The following COL19A1 variants were observed in gnomAD, a reference collection of about 807,000 sequenced individuals.
COL19A1 encodes collagen type XIX alpha 1 chain.
COL19A1 carries 159 observed loss-of-function variants against 190.2 expected under a neutral mutation model. The ratio of observed to expected loss-of-function variants is 0.84; its 90% CI spans 0.73 to 0.95. The LOEUF (loss-of-function observed/expected upper bound fraction) is 0.95, where lower values mean the gene tolerates loss of function less well. Ranked by LOEUF, COL19A1 falls within the 40% of genes least tolerant of loss-of-function variation. COL19A1 has a pLI of 0.00. For synonymous variants in COL19A1, 509 were observed against 458.9 expected (o/e 1.11, Z -1.39); for missense variants, 1,418 against 1,431.9 (o/e 0.99, Z 0.16).
Position 70,168,049 on chromosome 6 carries a change from G to A in COL19A1, c.2470G>A (p.Gly824Ser), listed in dbSNP as rs756981908. The A allele has an allele frequency of 1.7e-5, 27 of 1,596,286 alleles. No homozygotes were observed. The highest frequency in any genetic ancestry group is 2.3e-4 in the Middle Eastern group (1 of 4,410). Reference sequence around the variant, plus strand: ...GGGTATTCCATTTAATGAACGAAACGGCATGAGCAGTTTATATAAAATTAA... The same window carrying A: ...GGGTATTCCATTTAATGAACGAAACAGCATGAGCAGTTTATATAAAATTAA... Reference protein sequence around the residue: ...PPGIPFNERNGMSSLYKIKGG... With the variant: ...PPGIPFNERNSMSSLYKIKGG... Residue 824 changes from glycine to serine, a missense_variant, in exon 38 of 51, where the codon GGC (glycine) becomes AGC (serine). Physicochemically the swap from Gly to Ser is moderately conservative, Grantham distance 56. Transcript: ENST00000620364.
At chr6:70,110,778 G>A (rs545904784) in intron 16 of COL19A1, among the ~76,000 whole-genome samples, 12 of 152,176 alleles carry the variant, frequency 7.9e-5, no homozygotes, top group African/African-American at 2.7e-4. Context: ...TTTACTAATA[G>A]TGGTAACATT....
intron 11 of COL19A1, among the ~76,000 whole-genome samples, chr6:70,023,255 T>A (rs893643879): frequency 6.6e-6 from 1 of 151,316 alleles, no homozygotes; most frequent in Admixed American, 6.6e-5. Context: ...TGCCTCAGCC[T>A]CCTGAGTAGC....
At chr6:70,163,763 C>A (rs1787967195) in intron 36 of COL19A1, among the ~76,000 whole-genome samples, 1 of 152,114 alleles carries the variant, frequency 6.6e-6, no homozygotes, top group Non-Finnish European at 1.5e-5. Context: ...TTTTCTATGA[C>A]AAAATACCAT....
chr6:70,145,546 G>A (rs944826668), intron 25 of COL19A1, among the ~76,000 whole-genome samples: 18 of 152,046 alleles, frequency 1.2e-4, no homozygotes, highest in Non-Finnish European at 1.3e-4. Flanking sequence ...GTTGAAGGGA[G>A]GCAAGGTTGA....
intron 47 of COL19A1, among the ~76,000 whole-genome samples, chr6:70,189,631 A>G (rs983685853): frequency 1.7e-4 from 26 of 152,254 alleles, no homozygotes; most frequent in Admixed American, 9.2e-4. Context: ...TTACTGTTAT[A>G]AATGTTAAAT....
chr6:70,134,342 G>A (rs141452698), intron 18 of COL19A1, among the ~76,000 whole-genome samples: 1 of 152,202 alleles, frequency 6.6e-6, no homozygotes, highest in African/African-American at 2.4e-5. Flanking sequence ...TAAGACTGAT[G>A]ATACACAGGA....
chr6:69,921,122 A>ATAGACAT (rs1561996830), intron 4 of COL19A1, among the ~76,000 whole-genome samples: 26 of 120,522 alleles, frequency 2.2e-4, no homozygotes, highest in African/African-American at 7.2e-4. Flanking sequence ...CATATATATC[A>ATAGACAT]CATATGTATC....
intron 1 of COL19A1, among the ~76,000 whole-genome samples, chr6:69,878,289 C>T (rs1319953948): frequency 2.6e-5 from 4 of 151,910 alleles, no homozygotes; most frequent in Non-Finnish European, 5.9e-5. Context: ...TCTCAGCTCA[C>T]TGCAACCTCC....
At chr6:69,939,914 A>G (rs1022235140) in intron 9 of COL19A1, among the ~76,000 whole-genome samples, 1 of 152,154 alleles carries the variant, frequency 6.6e-6, no homozygotes, top group African/African-American at 2.4e-5. Context: ...AAAAAAATGC[A>G]TGTGGCTTAA....
intron 25 of COL19A1, among the ~76,000 whole-genome samples, chr6:70,146,069 A>T (rs1326573403): frequency 6.6e-6 from 1 of 152,158 alleles, no homozygotes; most frequent in African/African-American, 2.4e-5. Context: ...CTTCTGAAGA[A>T]AATATACATG....
chr6:69,923,157 T>A (rs1387007566), intron 4 of COL19A1, among the ~76,000 whole-genome samples: 2 of 152,202 alleles, frequency 1.3e-5, no homozygotes, highest in Non-Finnish European at 2.9e-5. Flanking sequence ...CAGGCAAAAT[T>A]TGTCAAAATC....
At chr6:69,956,938 G>GA (rs1318185383) in intron 9 of COL19A1, among the ~76,000 whole-genome samples, 1 of 151,926 alleles carries the variant, frequency 6.6e-6, no homozygotes, top group Non-Finnish European at 1.5e-5. Flanking sequence ...ATCAAAGGCT[G>GA]AATGTCTAAC....
intron 12 of COL19A1, 115 bp downstream of exon 12, chr6:70,023,795 A>G: frequency 1.2e-6 from 1 of 849,130 alleles, no homozygotes; most frequent in Middle Eastern, 3.4e-4. Context: ...TGATCCAACA[A>G]AATTAAGAAT....
intron 18 of COL19A1, among the ~76,000 whole-genome samples, chr6:70,131,649 C>A (rs563677006): frequency 6.6e-6 from 1 of 152,048 alleles, no homozygotes; most frequent in African/African-American, 2.4e-5. Context: ...GCAATGACTT[C>A]TGGACATATG....
chr6:70,144,267 T>G lies in COL19A1; in HGVS notation c.1680+4T>G. ...ACAAGGCATTAAAGGAGAAAAGGTATAGTTTACATTTTCCTCATTTTATAT... is the reference window on the plus strand; with the variant it reads ...ACAAGGCATTAAAGGAGAAAAGGTAGAGTTTACATTTTCCTCATTTTATAT... On this transcript the variant is annotated splice_donor_region_variant and intron_variant, in intron 24 of 50. Coordinates refer to ENST00000620364, the MANE Select transcript of COL19A1 (RefSeq NM_001858.6). 6.2e-7 allele frequency: 1 copy of G among 1,610,228 alleles called. No homozygotes were observed.
intron 15 of COL19A1, among the ~76,000 whole-genome samples, chr6:70,074,689 G>A (rs1044768745): frequency 7.2e-5 from 11 of 151,890 alleles, no homozygotes; most frequent in Admixed American, 5.2e-4. Flanking sequence ...TTAGAGAGGA[G>A]TCTTATAGAG....
At chr6:69,985,190 A>G (rs1277741320) in intron 11 of COL19A1, among the ~76,000 whole-genome samples, 4 of 152,338 alleles carry the variant, frequency 2.6e-5, no homozygotes, top group South Asian at 2.1e-4. Context: ...ATGGCATTCA[A>G]TATGAGTTTT....
At position 70,206,724 on chromosome 6, in the gene COL19A1, A is replaced by C. The variant is rs546657123; in HGVS notation, c.3224-177A>C. On this transcript the variant is annotated intron_variant, in intron 49 of 50. Coordinates refer to ENST00000620364, the MANE Select transcript of COL19A1 (RefSeq NM_001858.6). ...AGATCCTCATTGCCCTATTATACCCAATCTGTTTGATATGTAAGTTTAATA... is the reference window on the plus strand; with the variant it reads ...AGATCCTCATTGCCCTATTATACCCCATCTGTTTGATATGTAAGTTTAATA... Among the ~76,000 whole-genome samples the C allele has an allele frequency of 2.0e-5, 3 of 152,000 alleles. No homozygotes were observed. In the South Asian group the frequency reaches 6.2e-4, roughly 32 times the overall value.
intron 14 of COL19A1, among the ~76,000 whole-genome samples, chr6:70,063,109 T>C (rs1050011941): frequency 9.2e-5 from 14 of 151,928 alleles, no homozygotes; most frequent in Admixed American, 2.0e-4. Flanking sequence ...AGAAATTGAA[T>C]TCAGCTCTGC....
Sources: gnomAD v4.1 joint callset for allele counts (sites outside exome capture counted in the v4.1 genomes callset) on GRCh38, gnomAD v4.1.1 for gene constraint, MANE v1.5 for transcripts, NCBI Gene and HGNC (gene_info 2026-07-23, HGNC 2026-07-21) for gene names.